Variants in RGPD2 observed in about 807,000 individuals in gnomAD.
RGPD2 encodes RANBP2-like and GRIP domain-containing protein 2.
RGPD2 carries 2 observed loss-of-function variants against 36.0 expected under a neutral mutation model. The observed-to-expected ratio is 0.06, with a 90% CI of 0.02 to 0.17. The LOEUF (loss-of-function observed/expected upper bound fraction) is 0.17. RGPD2 is among the 10% of genes least tolerant of loss of function. RGPD2 has a pLI of 1.00. For missense variants in RGPD2, 40 were observed against 464.3 expected, an observed-to-expected ratio of 0.09 and a Z score of 8.40; for synonymous variants, 19 against 163.8, an observed-to-expected ratio of 0.12 and a Z score of 6.75.
chr2:87,976,500 A>T, the RGPD2 span, among the ~76,000 whole-genome samples: 47 of 151,598 alleles, frequency 3.1e-4, no homozygotes, highest in Non-Finnish European at 5.9e-5. Context: ...AACTTATTCC[A>T]TTACTTTGCT....
the RGPD2 span, among the ~76,000 whole-genome samples, chr2:87,873,159 A>G: frequency 6.6e-6 from 1 of 152,120 alleles, no homozygotes; most frequent in African/African-American, 2.4e-5. Flanking sequence ...TGTCCCTACA[A>G]AGGACATAAT....
chr2:87,760,710 C>CA (rs1048973903), intron 22 of RGPD2, among the ~76,000 whole-genome samples: 3 of 29,688 alleles, frequency 1.0e-4, no homozygotes, highest in African/African-American at 3.5e-4. Flanking sequence ...CTCCTCCTCC[C>CA]AGGTTCATGC....
chr2:87,877,763 C>T, the RGPD2 span, among the ~76,000 whole-genome samples: 1 of 130,390 alleles, frequency 7.7e-6, no homozygotes, highest in East Asian at 2.3e-4. Context: ...TGAGGTCATG[C>T]CACTGCACTT....
At chr2:87,977,841 C>A in the RGPD2 span, among the ~76,000 whole-genome samples, 1 of 152,228 alleles carries the variant, frequency 6.6e-6, no homozygotes, top group Non-Finnish European at 1.5e-5. Flanking sequence ...CTTGGCTGGG[C>A]ACAGTGGCTC....
In RGPD2 at chr2:87,825,795, C is replaced by T. The variant is rs1053745666; in HGVS notation, c.-66G>A. The T allele has an allele frequency of 9.4e-6, 14 of 1,495,118 alleles. No individual in the cohort carries two copies. In the East Asian group the frequency reaches 2.1e-4, roughly 22 times the overall value. The allele number at this position is 1,495,118 out of a possible 1,614,324, so 92.6% of individuals were successfully genotyped here. A position where few individuals can be genotyped will look rare whatever the true frequency, so the allele number is the denominator to read the frequency against. On this transcript the variant is annotated 5_prime_UTR_variant, in exon 1 of 23. Coordinates refer to ENST00000398146, the MANE Select transcript of RGPD2 (RefSeq NM_001078170.3). ...CTCAGCCCCGCAGCAGTCGCCAATT[C>T]CAACAGGAAAGCGCCTGAAAGCCAC...
chr2:87,809,755 C>G (rs1236567233), intron 6 of RGPD2, among the ~76,000 whole-genome samples: 2 of 151,758 alleles, frequency 1.3e-5, no homozygotes, highest in Admixed American at 1.3e-4. Flanking sequence ...CCCAAGTCAC[C>G]CCCTCATGGT....
chr2:87,771,383 GTTTTTTTTTTTT>G (rs771252838), intron 22 of RGPD2: 1 of 22,720 alleles, frequency 4.4e-5, no homozygotes, highest in Non-Finnish European at 8.1e-5. Context: ...CTACATCATA[GTTTTTTTTTTTT>G]TTTTTTTTTT....
chr2:87,914,841 C>T, the RGPD2 span, among the ~76,000 whole-genome samples: 3 of 151,864 alleles, frequency 2.0e-5, no homozygotes, highest in South Asian at 2.1e-4. Flanking sequence ...GATCACCAAA[C>T]ACCCAGAGAA....
At chr2:87,854,683 T>C in the RGPD2 span, among the ~76,000 whole-genome samples, 1 of 152,184 alleles carries the variant, frequency 6.6e-6, no homozygotes, top group African/African-American at 2.4e-5. Flanking sequence ...CATTTAAGAT[T>C]GTTCCATATT....
intron 21 of RGPD2, among the ~76,000 whole-genome samples, chr2:87,772,823 A>C (rs1157834464): frequency 6.6e-6 from 1 of 150,848 alleles, no homozygotes; most frequent in African/African-American, 2.4e-5. Flanking sequence ...GCAGCTTACC[A>C]AGTATCACTG....
the RGPD2 span, among the ~76,000 whole-genome samples, chr2:87,914,076 G>A: frequency 2.6e-5 from 4 of 151,590 alleles, no homozygotes; most frequent in Non-Finnish European, 4.4e-5. Flanking sequence ...TTCTAAATTG[G>A]AAGTAAGTAT....
the RGPD2 span, among the ~76,000 whole-genome samples, chr2:87,851,323 T>C: frequency 1.4e-5 from 2 of 146,050 alleles, no homozygotes; most frequent in Non-Finnish European, 1.5e-5. Context: ...GAGGTGGAGG[T>C]TGCAGTGACC....
chr2:87,844,462 C>G, the RGPD2 span, among the ~76,000 whole-genome samples: 2 of 150,416 alleles, frequency 1.3e-5, no homozygotes, highest in East Asian at 3.9e-4. Context: ...AGGCTGATAG[C>G]AAAACATTCA....
the RGPD2 span, among the ~76,000 whole-genome samples, chr2:87,978,741 A>G: frequency 9.0e-6 from 1 of 111,206 alleles, no homozygotes; most frequent in Non-Finnish European, 1.9e-5. Context: ...TTATAGTAAG[A>G]CCTTGTCTCT....
the RGPD2 span, among the ~76,000 whole-genome samples, chr2:87,985,230 T>C: frequency 4.6e-5 from 7 of 150,702 alleles, no homozygotes; most frequent in South Asian, 4.3e-4. Context: ...ACAGAGTAGA[T>C]GGTATAGTAC....
the RGPD2 span, among the ~76,000 whole-genome samples, chr2:87,864,363 C>A: frequency 6.6e-6 from 1 of 152,284 alleles, no homozygotes; most frequent in African/African-American, 2.4e-5. Context: ...GGGACTTACA[C>A]AGTGGTTCCT....
chr2:87,937,134 G>T, the RGPD2 span, among the ~76,000 whole-genome samples: 2 of 151,818 alleles, frequency 1.3e-5, no homozygotes, highest in African/African-American at 2.4e-5. Context: ...TAAATATTAT[G>T]ATCTCATTAG....
chr2:87,897,651 G>A, the RGPD2 span, among the ~76,000 whole-genome samples: 6 of 150,120 alleles, frequency 4.0e-5, no homozygotes, highest in South Asian at 2.1e-4. Flanking sequence ...ACTGGCCCCC[G>A]TGTGTGGTGT....
upstream of RGPD2, chr2:87,825,867 C>G: frequency 9.0e-7 from 1 of 1,114,852 alleles, no homozygotes. Context: ...TGTACTGCGT[C>G]AGCACTGTGT....
Sources: gnomAD v4.1 joint callset for allele counts (sites outside exome capture counted in the v4.1 genomes callset) on GRCh38, gnomAD v4.1.1 for gene constraint, MANE v1.5 for transcripts, NCBI Gene and HGNC (gene_info 2026-07-23, HGNC 2026-07-21) for gene names.